Variants in PPT1 observed in about 807,000 individuals in gnomAD.
PPT1 encodes palmitoyl-protein thioesterase 1.
PPT1 carries 24 observed loss-of-function variants against 44.0 expected under a neutral mutation model. The observed-to-expected ratio is 0.54, with a 90% CI of 0.39 to 0.77. The LOEUF is 0.77. Among genes scored for constraint, PPT1 ranks in the 30% least tolerant of loss-of-function variants. PPT1 has a pLI of 0.00. For missense variants in PPT1, 341 were observed against 378.8 expected, an observed-to-expected ratio of 0.90 and a Z score of 0.83; for synonymous variants, 148 against 140.2, an observed-to-expected ratio of 1.06 and a Z score of -0.39.
intron 8 of PPT1, among the ~76,000 whole-genome samples, chr1:40,075,463 G>A (rs1040375718): frequency 1.4e-5 from 2 of 138,848 alleles, no homozygotes; most frequent in Non-Finnish European, 3.1e-5. Context: ...GTTCTTAGCT[G>A]TAATTTCTCA....
rs372257702 is a variant in PPT1, at chr1:40,092,526, T to C, written c.125-19A>G. The C allele has an allele frequency of 1.4e-5, 21 of 1,548,108 alleles. 1 individual carries two copies. Among genetic ancestry groups the C allele is most frequent in the South Asian group, 5.6e-5 (5 of 89,640 alleles). On this transcript the variant is annotated intron_variant, in intron 1 of 8. Coordinates refer to ENST00000642050, the MANE Select transcript of PPT1 (RefSeq NM_000310.4). Reference sequence around the variant, plus strand: ...CTGTCTCCTAGCCAACAAAACACAATGATGGAAACTCATGAGTCCAAATAT... The same window carrying C: ...CTGTCTCCTAGCCAACAAAACACAACGATGGAAACTCATGAGTCCAAATAT...
chr1:40,078,753 C>G, intron 6 of PPT1, 95 bp from the exon 7 acceptor site: 1 of 1,050,426 alleles, frequency 9.5e-7, no homozygotes, highest in Non-Finnish European at 1.5e-6. Context: ...TGACCCTGTG[C>G]CACTGTGTTT....
chr1:40,096,576 TATGAAAAATAAATA>T (rs1649859355), intron 1 of PPT1, among the ~76,000 whole-genome samples: 1 of 152,068 alleles, frequency 6.6e-6, no homozygotes, highest in East Asian at 1.9e-4. Context: ...ATAAGGTGTA[TATGAAAAATAAATA>T]AATTTCCTGT....
intron 7 of PPT1, among the ~76,000 whole-genome samples, chr1:40,077,863 C>T (rs926351134): frequency 3.9e-5 from 6 of 152,158 alleles, no homozygotes; most frequent in Middle Eastern, 3.4e-3. Context: ...GTGTATGAAG[C>T]GTGCAGACAA....
At chr1:40,095,707 C>T (rs751786059) in intron 1 of PPT1, among the ~76,000 whole-genome samples, 6 of 152,200 alleles carry the variant, frequency 3.9e-5, no homozygotes, top group Non-Finnish European at 8.8e-5. Context: ...ACTTTGACCA[C>T]TTCTCAACAC....
chr1:40,078,594 A>C lies in PPT1; in HGVS notation c.692T>G (p.Leu231Arg). Residue 231 changes from leucine to arginine, a missense_variant, in exon 7 of 9, where the codon CTC (leucine) becomes CGC (arginine). Leu to Arg is a moderately radical substitution (Grantham distance 102). Coordinates refer to ENST00000642050, the MANE Select transcript of PPT1 (RefSeq NM_000310.4). ...ALKKFVMVKFLNDSIVDPVDS... is the reference protein window; with the variant it reads ...ALKKFVMVKFRNDSIVDPVDS... ...TACAGGGTCCACAATGGAATCATTG[A>C]GGAATTTCACCATCACAAACTTCTT... The C allele has an allele frequency of 1.2e-6, 2 of 1,613,988 alleles. No homozygotes were observed. The highest frequency in any genetic ancestry group is 1.7e-6 in the Non-Finnish European group (2 of 1,179,866).
At chr1:40,094,540 C>T (rs1364492580) in intron 1 of PPT1, among the ~76,000 whole-genome samples, 1 of 152,028 alleles carries the variant, frequency 6.6e-6, no homozygotes, top group Non-Finnish European at 1.5e-5. Context: ...AAGTGTTGAC[C>T]CTGAATTTGA....
chr1:40,083,947 C>G (rs1019141017), intron 5 of PPT1, among the ~76,000 whole-genome samples: 3 of 152,086 alleles, frequency 2.0e-5, no homozygotes, highest in Non-Finnish European at 4.4e-5. Flanking sequence ...GCTCAGGACG[C>G]TGAGGTGGGA....
intron 8 of PPT1, 80 bp downstream of exon 8, chr1:40,076,762 A>G: frequency 6.2e-7 from 1 of 1,609,342 alleles, no homozygotes; most frequent in Non-Finnish European, 8.5e-7. Flanking sequence ...AAAGGGCTCC[A>G]GCACCAAAGA....
intron 1 of PPT1, 30 bp from the exon 2 acceptor site, chr1:40,092,537 C>G: frequency 6.7e-7 from 1 of 1,499,566 alleles, no homozygotes; most frequent in Non-Finnish European, 9.3e-7. Context: ...GATGGAAACT[C>G]ATGAGTCCAA....
chr1:40,092,844 G>A (rs1163510830), intron 1 of PPT1, among the ~76,000 whole-genome samples: 2 of 152,168 alleles, frequency 1.3e-5, no homozygotes, highest in East Asian at 3.8e-4. Context: ...AGACTAGGAT[G>A]TCTTTAATAA....
At position 40,091,361 on chromosome 1, in the gene PPT1, A is replaced by T; in HGVS notation, c.401T>A (p.Ile134Asn). The T allele has an allele frequency of 1.9e-6, 3 of 1,613,982 alleles. No homozygotes were observed. The highest frequency in any genetic ancestry group is 2.5e-6 in the Non-Finnish European group (3 of 1,179,928). The change falls in exon 4 of 9, where the codon ATC becomes AAC. Residue 134 changes from isoleucine to asparagine, a missense_variant. By Grantham distance (149) the Ile-to-Asn change is moderately radical. Transcript: ENST00000642050. ...TTGTCCCCCAACCGAGATCAGATTG[A>T]TCATGGGAGGTGAAGGGCATCTCTG... ...VAQRCPSPPM[I>N]NLISVGGQHQ...
intron 6 of PPT1, 38 bp downstream of exon 6, chr1:40,080,359 A>G: frequency 6.3e-7 from 1 of 1,578,426 alleles, no homozygotes; most frequent in Non-Finnish European, 8.7e-7. Context: ...AACAGGAAAA[A>G]GAACGCACAT....
At chr1:40,089,937 T>G (rs893023686) in intron 4 of PPT1, among the ~76,000 whole-genome samples, 3 of 152,046 alleles carry the variant, frequency 2.0e-5, no homozygotes, top group Non-Finnish European at 2.9e-5. Context: ...TTGGCAATAA[T>G]TAATTTAATC....
intron 1 of PPT1, among the ~76,000 whole-genome samples, chr1:40,092,730 G>A (rs1222351836): frequency 2.6e-5 from 4 of 152,084 alleles, no homozygotes; most frequent in Admixed American, 6.6e-5. Context: ...ATTTAAAAAT[G>A]GGAAAAGAAA....
chr1:40,076,756 G>A, intron 8 of PPT1, 86 bp downstream of exon 8: 1 of 1,607,650 alleles, frequency 6.2e-7, no homozygotes, highest in Non-Finnish European at 8.5e-7. Flanking sequence ...TAAAGGAAAG[G>A]GCTCCAGCAC....
intron 4 of PPT1, among the ~76,000 whole-genome samples, chr1:40,090,687 C>T (rs1352782062): frequency 6.6e-6 from 1 of 152,222 alleles, no homozygotes; most frequent in Admixed American, 6.5e-5. Context: ...TCCCATAGGA[C>T]AGGCAGGGCC....
intron 6 of PPT1, 50 bp downstream of exon 6, chr1:40,080,347 T>A: frequency 6.4e-7 from 1 of 1,554,154 alleles, no homozygotes; most frequent in Non-Finnish European, 8.9e-7. Flanking sequence ...TATGAAGACC[T>A]AAACAGGAAA....
rs1648751390 is a variant in PPT1, at chr1:40,078,575, G to A, written c.711C>T (p.Asp237=). 1 of 1,613,562 alleles carries A rather than the reference G, an allele frequency of 6.2e-7. No homozygotes were observed. The highest frequency in any genetic ancestry group is 1.1e-5 in the South Asian group (1 of 91,088). ...AGTGTCTCACCTCCGAATCTACAGG[G>A]TCCACAATGGAATCATTGAGGAATT... ...MVKFLNDSIV[D]PVDSEWFGFY... Residue 237 remains aspartate (D), a synonymous_variant, in exon 7 of 9, where the codon GAC becomes GAT. Transcript: ENST00000642050.
Sources: gnomAD v4.1 joint callset for allele counts (sites outside exome capture counted in the v4.1 genomes callset) on GRCh38, gnomAD v4.1.1 for gene constraint, MANE v1.5 for transcripts, NCBI Gene and HGNC (gene_info 2026-07-23, HGNC 2026-07-21) for gene names.